Variants in KIDINS220 observed in about 807,000 individuals in gnomAD.
The protein encoded by KIDINS220 is kinase D interacting substrate 220, also known as kinase D-interacting substrate of 220 kDa.
A neutral mutation model predicts 157.6 loss-of-function variants in KIDINS220; 63 were observed. The ratio of observed to expected loss-of-function variants is 0.40; its 90% confidence interval spans 0.33 to 0.49. The LOEUF (loss-of-function observed/expected upper bound fraction) is 0.49. Ranked by LOEUF, KIDINS220 falls within the 20% of genes least tolerant of loss-of-function variation. The pLI is 0.66. For missense variants in KIDINS220, 1,772 were observed against 2,171.2 expected, an observed-to-expected ratio of 0.82 and a Z score of 3.65; for synonymous variants, 732 against 783.6, an observed-to-expected ratio of 0.93 and a Z score of 1.10.
chr2:8,732,742 C>T (rs1217044021), intron 29 of KIDINS220, among the ~76,000 whole-genome samples: 1 of 152,114 alleles, frequency 6.6e-6, no homozygotes, highest in Non-Finnish European at 1.5e-5. Flanking sequence ...TCTTCCTTCC[C>T]CAAGGCGCTG....
Position 8,751,730 on chromosome 2 carries a change from A to G in KIDINS220, c.3012-86T>C, listed in dbSNP as rs983530079. The G allele has an allele frequency of 6.9e-6, 6 of 869,006 alleles. No homozygotes were observed. The African/African-American group carries it at 1.0e-4, about 15-fold the overall frequency. The allele number at this position is 869,006 out of a possible 1,614,324, so 53.8% of individuals were successfully genotyped here. On this transcript the variant is annotated intron_variant, in intron 22 of 29. Transcript: ENST00000256707. ...CATGTCACCTGAAGTTACTTATACAACAATTACACATCTTGGTCTGATGGA... is the reference window on the plus strand; with the variant it reads ...CATGTCACCTGAAGTTACTTATACAGCAATTACACATCTTGGTCTGATGGA...
At chr2:8,756,685 CAGAG>C (rs1050797758) in intron 22 of KIDINS220, among the ~76,000 whole-genome samples, 2 of 151,346 alleles carry the variant, frequency 1.3e-5, no homozygotes, top group African/African-American at 4.8e-5. Context: ...AAGGACACTA[CAGAG>C]AGAGAGAGAG....
Position 8,766,823 on chromosome 2 carries a change from T to G in KIDINS220, c.3011+3847A>C, listed in dbSNP as rs566688299. Among the ~76,000 whole-genome samples, 29 of 152,356 alleles carry G rather than the reference T, an allele frequency of 1.9e-4. 1 individual carries two copies. In the South Asian group the frequency reaches 4.6e-3, roughly 24 times the overall value. On this transcript the variant is annotated intron_variant, in intron 22 of 29. Coordinates refer to ENST00000256707, the MANE Select transcript of KIDINS220 (RefSeq NM_020738.4). ...TTTCTCCACACAACAAAAGTAGGCA[T>G]GATTTAAAGATACATCAAAATAAGC...
intron 10 of KIDINS220, among the ~76,000 whole-genome samples, chr2:8,797,451 C>T (rs1396600762): frequency 6.6e-6 from 1 of 152,092 alleles, no homozygotes; most frequent in Non-Finnish European, 1.5e-5. Flanking sequence ...CTGGCTGACA[C>T]CAAGGTCCAA....
chr2:8,725,798 A>G (rs1663246967), downstream of KIDINS220, among the ~76,000 whole-genome samples: 2 of 152,208 alleles, frequency 1.3e-5, no homozygotes, highest in Non-Finnish European at 2.9e-5. Flanking sequence ...CATTGCTTCT[A>G]AAAGGAAAGT....
chr2:8,815,874 A>T (rs1178445963), intron 4 of KIDINS220, among the ~76,000 whole-genome samples: 2 of 152,122 alleles, frequency 1.3e-5, no homozygotes, highest in African/African-American at 2.4e-5. Context: ...TAGACTTCTG[A>T]TATGAAATCC....
At chr2:8,836,169 C>A (rs568807150) in intron 1 of KIDINS220, among the ~76,000 whole-genome samples, 2 of 151,914 alleles carry the variant, frequency 1.3e-5, no homozygotes, top group Admixed American at 6.5e-5. Context: ...ACCAGATGCC[C>A]AGCATAGGTG....
Position 8,817,704 on chromosome 2 carries a change from C to G in KIDINS220, c.220G>C (p.Ala74Pro), listed in dbSNP as rs1677285821. Residue 74 changes from alanine (A) to proline (P), a missense_variant, in exon 4 of 30, where the codon GCA (alanine) becomes CCA (proline). Ala to Pro is a conservative substitution (Grantham distance 27). Transcript: ENST00000256707. ...CNLEDLDNWT[A>P]LISASKEGHV... ...CCTTCTTTCGATGCAGATATAAGTG[C>G]TGTCCAATTATCCTTGAACATATAT... 1 of 1,599,066 alleles carries G rather than the reference C, an allele frequency of 6.3e-7. No homozygotes were observed. The highest frequency in any genetic ancestry group is 1.1e-5 in the South Asian group (1 of 88,264).
At chr2:8,779,630 G>T (rs765521021) in intron 18 of KIDINS220, 44 bp downstream of exon 18, 2 of 1,575,904 alleles carry the variant, frequency 1.3e-6, no homozygotes, top group Non-Finnish European at 1.7e-6. Flanking sequence ...TCTCTCAAGT[G>T]CCACAACATA....
At chr2:8,808,255 A>C (rs1477425467) in intron 6 of KIDINS220, among the ~76,000 whole-genome samples, 1 of 152,222 alleles carries the variant, frequency 6.6e-6, no homozygotes, top group Non-Finnish European at 1.5e-5. Context: ...ACTCTGGCTA[A>C]AATGCCTTTC....
At chr2:8,726,135 A>C (rs1663285317), downstream of KIDINS220, among the ~76,000 whole-genome samples, 1 of 152,202 alleles carries the variant, frequency 6.6e-6, no homozygotes, top group African/African-American at 2.4e-5. Context: ...TCCTTCGAAT[A>C]GTTGGGTAAT....
intron 26 of KIDINS220, among the ~76,000 whole-genome samples, chr2:8,741,882 C>A (rs1186821901): frequency 6.6e-6 from 1 of 152,118 alleles, no homozygotes; most frequent in Admixed American, 6.5e-5. Flanking sequence ...TAGTACAAAT[C>A]CACTTCTAAG....
chr2:8,804,834 T>C (rs1003752380), intron 7 of KIDINS220, among the ~76,000 whole-genome samples: 1 of 152,196 alleles, frequency 6.6e-6, no homozygotes, highest in Admixed American at 6.5e-5. Context: ...CAATCAATTC[T>C]GCAGCAGACA....
chr2:8,831,246 G>A (rs1467014171), intron 1 of KIDINS220, among the ~76,000 whole-genome samples: 1 of 152,106 alleles, frequency 6.6e-6, no homozygotes, highest in Non-Finnish European at 1.5e-5. Context: ...ATTATGATGA[G>A]GGCATGCAGA....
At chr2:8,743,298 T>TG (rs1665883899) in intron 26 of KIDINS220, among the ~76,000 whole-genome samples, 1 of 152,188 alleles carries the variant, frequency 6.6e-6, no homozygotes, top group Non-Finnish European at 1.5e-5. Context: ...CTAAACTGAT[T>TG]GGAGTATTTG....
chr2:8,790,471 T>C (rs1237774328), intron 13 of KIDINS220, among the ~76,000 whole-genome samples: 1 of 152,228 alleles, frequency 6.6e-6, no homozygotes, highest in African/African-American at 2.4e-5. Context: ...CATTCCACTG[T>C]GATCCTTCTC....
At chr2:8,765,217 T>A (rs1669314524) in intron 22 of KIDINS220, among the ~76,000 whole-genome samples, 1 of 152,276 alleles carries the variant, frequency 6.6e-6, no homozygotes, top group South Asian at 2.1e-4. Flanking sequence ...ACCAATTATA[T>A]CCTTTTGTCT....
At chr2:8,808,860 T>A (rs1415695377) in intron 6 of KIDINS220, among the ~76,000 whole-genome samples, 1 of 152,250 alleles carries the variant, frequency 6.6e-6, no homozygotes, top group Non-Finnish European at 1.5e-5. Context: ...AGATAATCAC[T>A]GTTCTTTCTT....
At chr2:8,727,359 C>G (rs982298321), downstream of KIDINS220, 2 of 693,044 alleles carry the variant, frequency 2.9e-6, no homozygotes, top group Non-Finnish European at 3.6e-6. Flanking sequence ...CTTTTACCCA[C>G]GTATTCCCTC....
Sources: allele counts gnomAD v4.1 joint callset (sites outside exome capture counted in the v4.1 genomes callset), GRCh38; gene constraint gnomAD v4.1.1; transcripts MANE v1.5; gene names NCBI Gene and HGNC (gene_info 2026-07-23, HGNC 2026-07-21).